The following CREBBP variants were observed in gnomAD, a reference collection of about 807,000 sequenced individuals.
CREBBP encodes the protein CREB binding lysine acetyltransferase.
CREBBP carries 19 observed loss-of-function variants against 265.0 expected under a neutral mutation model. That is an observed-to-expected ratio of 0.07 (90% CI 0.05 to 0.11). The LOEUF is 0.11. CREBBP is among the 10% of genes least tolerant of loss of function. The probability of loss-of-function intolerance (pLI) is 1.00; values close to 1 mark genes in which losing one functional copy is unlikely to be tolerated. For synonymous variants in CREBBP, 1,457 were observed against 1,223.7 expected (o/e 1.19, Z -3.98); for missense variants, 2,525 against 3,219.0 (o/e 0.78, Z 5.22).
rs766302352 is a variant in CREBBP, at chr16:3,782,879, C to G, written c.1378G>C (p.Val460Leu). The G allele has an allele frequency of 6.2e-7, 1 of 1,614,184 alleles. No individual in the cohort carries two copies. Among genetic ancestry groups the G allele is most frequent in the Non-Finnish European group, 8.5e-7 (1 of 1,180,050 alleles). Residue 460 changes from valine to leucine, a missense_variant, in exon 6 of 31, where the codon GTT becomes CTT. Transcript: ENST00000262367. ...ASGIQNTIGS[V>L]GTGQQNATSL... is the part of the protein sequence containing the mutation. ...GTGGCATTCTGTTGCCCTGTGCCAA[C>G]AGAACCAATTGTGTTTTGAATTCCA...
At chr16:3,844,216 T>C (rs1597041493) in intron 2 of CREBBP, among the ~76,000 whole-genome samples, 1 of 142,628 alleles carries the variant, frequency 7.0e-6, no homozygotes, top group East Asian at 2.1e-4. Flanking sequence ...AACACTGATA[T>C]AAAAATTGAC....
intron 4 of CREBBP, 129 bp from the exon 5 acceptor site, chr16:3,792,223 G>C: frequency 1.2e-6 from 1 of 822,356 alleles, no homozygotes; most frequent in African/African-American, 1.7e-5. Context: ...AGTATAGGCA[G>C]TCCTCAACTT....
chr16:3,873,799 G>T (rs1264379677), intron 1 of CREBBP, among the ~76,000 whole-genome samples: 1 of 152,090 alleles, frequency 6.6e-6, no homozygotes, highest in South Asian at 2.1e-4. Context: ...TACGGAACTC[G>T]GAAGCAAATA....
Position 3,736,520 on chromosome 16 carries a change from T to C in CREBBP, c.4560+130A>G, listed in dbSNP as rs550024662. The C allele has an allele frequency of 3.4e-4, 465 of 1,383,824 alleles. 2 individuals carry two copies. The highest frequency in any genetic ancestry group is 7.5e-4 in the Admixed American group (43 of 57,306). The allele number at this position is 1,383,824 out of a possible 1,614,324, so 85.7% of individuals were successfully genotyped here. Reference sequence around the variant, plus strand: ...ATGCTTCTAAGTTCTCACTTTAGGCTTTTATTTTTCTGCTTTCTAATCCTC... The same window carrying C: ...ATGCTTCTAAGTTCTCACTTTAGGCCTTTATTTTTCTGCTTTCTAATCCTC... On this transcript the variant is annotated intron_variant, in intron 27 of 30. Transcript: ENST00000262367.
At chr16:3,804,033 A>T (rs1397041517) in intron 3 of CREBBP, among the ~76,000 whole-genome samples, 1 of 151,928 alleles carries the variant, frequency 6.6e-6, no homozygotes, top group Non-Finnish European at 1.5e-5. Flanking sequence ...CAGTGAGCTG[A>T]AGACTACACC....
chr16:3,840,545 T>A (rs1162299647), intron 2 of CREBBP: 1 of 157,948 alleles, frequency 6.3e-6, no homozygotes, highest in African/African-American at 2.4e-5. Flanking sequence ...TCACAAAAGT[T>A]TAATCCAACC....
intron 18 of CREBBP, 124 bp downstream of exon 18, chr16:3,757,685 G>C (rs754226112): frequency 1.5e-6 from 2 of 1,377,452 alleles, no homozygotes; most frequent in East Asian, 4.8e-5. Context: ...CATCAACTGT[G>C]TCACCAGACA....
intron 23 of CREBBP, chr16:3,742,708 T>C (rs528403903): frequency 6.6e-6 from 1 of 152,080 alleles, no homozygotes; most frequent in African/African-American, 2.4e-5. Flanking sequence ...CAATGCAAGA[T>C]TAAGGAAGCA....
chr16:3,879,788 G>T (rs1051202108), intron 1 of CREBBP, 44 bp downstream of exon 1: 1 of 1,541,544 alleles, frequency 6.5e-7, no homozygotes, highest in East Asian at 2.4e-5. Flanking sequence ...AGGTGGGGGT[G>T]ACAGCGCGCC....
At chr16:3,737,935 A>G (rs2151332772) in intron 26 of CREBBP, among the ~76,000 whole-genome samples, 1 of 150,950 alleles carries the variant, frequency 6.6e-6, no homozygotes, top group East Asian at 2.0e-4. Flanking sequence ...TTACAGGCTC[A>G]TGCTACTATG....
In CREBBP at chr16:3,792,231, C is replaced by T. The variant is rs2053521498; in HGVS notation, c.1217-137G>A. 3.8e-6 allele frequency: 3 copies of T among 791,018 alleles called. No individual in the cohort carries two copies. The South Asian group carries it at 4.4e-5, about 12-fold the overall frequency. The allele number at this position is 791,018 out of a possible 1,614,324, so 49.0% of individuals were successfully genotyped here. A position where few individuals can be genotyped will look rare whatever the true frequency, so the allele number is the denominator to read the frequency against. On this transcript the variant is annotated intron_variant, in intron 4 of 30. Coordinates refer to ENST00000262367, the MANE Select transcript of CREBBP (RefSeq NM_004380.3). Reference sequence around the variant, plus strand: ...ATAACACAGTATAGGCAGTCCTCAACTTACAAACAGGCTGTTTTCCAAAAA... The same window carrying T: ...ATAACACAGTATAGGCAGTCCTCAATTTACAAACAGGCTGTTTTCCAAAAA...
chr16:3,836,383 G>A (rs1415504307), intron 2 of CREBBP, among the ~76,000 whole-genome samples: 3 of 149,036 alleles, frequency 2.0e-5, no homozygotes, highest in Admixed American at 6.7e-5. Flanking sequence ...GCAGTGAGCC[G>A]AGATTGCGCC....
intron 21 of CREBBP, among the ~76,000 whole-genome samples, chr16:3,746,140 C>T (rs1408123286): frequency 1.3e-5 from 2 of 152,152 alleles, no homozygotes; most frequent in Non-Finnish European, 2.9e-5. Flanking sequence ...TGCATACCTC[C>T]GAGGATAGGC....
chr16:3,873,173 CAG>C (rs1300158939), intron 1 of CREBBP, among the ~76,000 whole-genome samples: 2 of 152,188 alleles, frequency 1.3e-5, no homozygotes, highest in East Asian at 3.8e-4. Flanking sequence ...AGTAAACAAA[CAG>C]AATCACATAC....
Position 3,767,495 on chromosome 16 carries a change from G to GA in CREBBP, c.3250+224dup, listed in dbSNP as rs1393509249. On this transcript the variant is annotated intron_variant, in intron 16 of 30. Transcript: ENST00000262367. ...CAGCTCTGCAGCCTGGGTGCCCTCG[G>GA]AGCAGCAGCTCATCTCTCACTCCTG... The GA allele has an allele frequency of 3.1e-5, 19 of 620,914 alleles. No homozygotes were observed. The Admixed American group carries it at 5.1e-4, about 17-fold the overall frequency. The allele number at this position is 620,914 out of a possible 1,614,324, so 38.5% of individuals were successfully genotyped here. A position where few individuals can be genotyped will look rare whatever the true frequency, so the allele number is the denominator to read the frequency against.
In CREBBP at chr16:3,780,799, T is replaced by C. The variant is rs2053256106; in HGVS notation, c.1756A>G (p.Thr586Ala). The C allele has an allele frequency of 1.2e-6, 2 of 1,613,996 alleles. No homozygotes were observed. Among genetic ancestry groups the C allele is most frequent in the Non-Finnish European group, 1.7e-6 (2 of 1,180,004 alleles). ...TCGTGCCAGCCTTTCCTTACACCGG[T>C]GCTAGAAGGAGGAGCTGCTGTTGGT... ...TIPTAAPPSSTGVRKGWHEHV... is the reference protein window; with the variant it reads ...TIPTAAPPSSAGVRKGWHEHV... The change falls in exon 8 of 31, where the codon ACC becomes GCC. Residue 586 changes from threonine to alanine, a missense_variant. Thr to Ala is a moderately conservative substitution (Grantham distance 58, BLOSUM62 0). This residue lies in a region of CREBBP where 144 missense variants were observed against 134.0 expected (regional missense o/e 1.07). Coordinates refer to ENST00000262367, the MANE Select transcript of CREBBP (RefSeq NM_004380.3).
Position 3,726,405 on chromosome 16 carries a change from C to T in CREBBP, c.*1313G>A, listed in dbSNP as rs1057133031. 2 of 232,464 alleles carry T rather than the reference C, an allele frequency of 8.6e-6. No homozygotes were observed. Among genetic ancestry groups the T allele is most frequent in the Non-Finnish European group, 1.7e-5 (2 of 117,974 alleles). 14.4% of individuals were successfully genotyped at this position (232,464 alleles called of 1,614,324 possible). On this transcript the variant is annotated 3_prime_UTR_variant, in exon 31 of 31. Coordinates refer to ENST00000262367, the MANE Select transcript of CREBBP (RefSeq NM_004380.3). Reference sequence around the variant, plus strand: ...GTGAGCCTCGAATGTGTGGGGCCAACGCTGAGCCGCCCACCTCAGTCGCCC... The same window carrying T: ...GTGAGCCTCGAATGTGTGGGGCCAATGCTGAGCCGCCCACCTCAGTCGCCC...
intron 2 of CREBBP, among the ~76,000 whole-genome samples, chr16:3,830,727 T>C (rs1386446975): frequency 6.6e-6 from 1 of 152,120 alleles, no homozygotes; most frequent in East Asian, 1.9e-4. Flanking sequence ...TTGAACACCA[T>C]CAACCAACTT....
rs567168249 is a variant in CREBBP, at chr16:3,810,575, A to G, written c.975+28T>C. On this transcript the variant is annotated intron_variant, in intron 3 of 30. Transcript: ENST00000262367. The stretch of plus-strand genomic sequence containing the variant: ...AGACCACAGCACCCACCGGAGAGCC[A>G]TAACACTGAGGGCCAAGGGTAACTT... 182 of 1,612,768 alleles carry G rather than the reference A, an allele frequency of 1.1e-4. 1 individual carries two copies. The South Asian group carries it at 1.6e-3, about 14-fold the overall frequency.
Sources: gnomAD v4.1 joint callset for allele counts (sites outside exome capture counted in the v4.1 genomes callset) on GRCh38, gnomAD v4.1.1 for gene constraint, gnomAD v4.1.1 regional missense constraint, MANE v1.5 for transcripts, NCBI Gene and HGNC (gene_info 2026-07-23, HGNC 2026-07-21) for gene names.